AFAP1: variants seen among roughly 807,000 people sequenced by gnomAD.
AFAP1 encodes the protein actin filament associated protein 1.
Under a neutral mutation model 93.9 loss-of-function variants are expected in AFAP1, and 75 were observed. The observed-to-expected ratio is 0.80, with a 90% CI of 0.66 to 0.97. The LOEUF (loss-of-function observed/expected upper bound fraction) is 0.97, where lower values mean the gene tolerates loss of function less well. Among genes scored for constraint, AFAP1 ranks in the 50% least tolerant of loss-of-function variants. The pLI, the probability that AFAP1 is intolerant of heterozygous loss-of-function variation, is 0.00. For missense variants in AFAP1, 1,201 were observed against 1,050.8 expected (o/e 1.14, Z -1.98); for synonymous variants, 517 against 430.7 (o/e 1.20, Z -2.48).
intron 6 of AFAP1, among the ~76,000 whole-genome samples, chr4:7,822,017 C>T (rs925360994): frequency 4.6e-5 from 7 of 152,200 alleles, no homozygotes; most frequent in African/African-American, 1.7e-4. Flanking sequence ...TGTGTCTGAT[C>T]TCTCTTGTTT....
At chr4:7,885,381 C>T (rs1223419585) in intron 1 of AFAP1, among the ~76,000 whole-genome samples, 2 of 152,176 alleles carry the variant, frequency 1.3e-5, no homozygotes, top group Admixed American at 6.5e-5. Context: ...CCCACACACA[C>T]ATCACTACCA....
chr4:7,872,285 G>A (rs1298365399), intron 1 of AFAP1: 2 of 527,678 alleles, frequency 3.8e-6, no homozygotes, highest in African/African-American at 1.9e-5. Flanking sequence ...CTTTGCTTCT[G>A]CTTTAAGGCA....
rs1375836552 is a variant in AFAP1, at chr4:7,843,418, A to G, written c.335-68T>C. The G allele has an allele frequency of 2.9e-6, 4 of 1,387,958 alleles. No homozygotes were observed. In the South Asian group the frequency reaches 4.2e-5, roughly 15 times the overall value. 86.0% of individuals were successfully genotyped at this position (1,387,958 alleles called of 1,614,324 possible). On this transcript the variant is annotated intron_variant, in intron 4 of 17. Coordinates refer to ENST00000420658, the MANE Select transcript of AFAP1 (RefSeq NM_001134647.2). ...CTTGAAGTTTACCCGTGGGCTCAAG[A>G]GCACGTCCTCTTATTTTTAATCACC...
intron 1 of AFAP1, among the ~76,000 whole-genome samples, chr4:7,903,810 G>A (rs1487035169): frequency 6.6e-6 from 1 of 152,162 alleles, no homozygotes; most frequent in Non-Finnish European, 1.5e-5. Context: ...CCTCACAAAT[G>A]GAAAAAAAGG....
chr4:7,822,586 C>CTTTTTTTTTTTTT (rs5855982), intron 6 of AFAP1, among the ~76,000 whole-genome samples: 1 of 132,572 alleles, frequency 7.5e-6, no homozygotes, highest in South Asian at 2.4e-4. Context: ...TTTCTTTTTT[C>CTTTTTTTTTTTTT]TTTTTTTTTT....
At chr4:7,854,853 C>T (rs1211422781) in intron 4 of AFAP1, among the ~76,000 whole-genome samples, 4 of 152,134 alleles carry the variant, frequency 2.6e-5, no homozygotes, top group Non-Finnish European at 4.4e-5. Flanking sequence ...AAATGAATTC[C>T]GGAGACTCAA....
At chr4:7,871,338 A>C (rs1284559594) in intron 2 of AFAP1, among the ~76,000 whole-genome samples, 2 of 152,154 alleles carry the variant, frequency 1.3e-5, no homozygotes, top group African/African-American at 2.4e-5. Flanking sequence ...CTGTTTGTGT[A>C]AACAACACAG....
chr4:7,847,576 A>T (rs1050388590), intron 4 of AFAP1, among the ~76,000 whole-genome samples: 1 of 152,342 alleles, frequency 6.6e-6, no homozygotes, highest in Non-Finnish European at 1.5e-5. Flanking sequence ...TGGTAGCTCC[A>T]CCAGCCAGAG....
intron 5 of AFAP1, among the ~76,000 whole-genome samples, chr4:7,839,496 A>G (rs1323216043): frequency 6.6e-6 from 1 of 152,148 alleles, no homozygotes; most frequent in Non-Finnish European, 1.5e-5. Flanking sequence ...CCCTAATGAG[A>G]GAAAATGGAA....
At chr4:7,823,533 G>C (rs1721159567) in intron 6 of AFAP1, among the ~76,000 whole-genome samples, 2 of 152,124 alleles carry the variant, frequency 1.3e-5, no homozygotes, top group Non-Finnish European at 2.9e-5. Context: ...CCCTGGCTAA[G>C]CTCCTGGCAG....
intron 1 of AFAP1, among the ~76,000 whole-genome samples, chr4:7,895,198 TCCAGCACTTG>T (rs920070259): frequency 4.6e-5 from 7 of 152,198 alleles, no homozygotes; most frequent in Admixed American, 4.6e-4. Context: ...GGAACTCTGC[TCCAGCACTTG>T]CCAGGCATGG....
intron 1 of AFAP1, among the ~76,000 whole-genome samples, chr4:7,931,551 T>G (rs1168364866): frequency 6.6e-6 from 1 of 151,490 alleles, no homozygotes; most frequent in Admixed American, 6.6e-5. Context: ...CCAGCATTTT[T>G]TTTTTTTTTT....
chr4:7,786,390 A>C (rs1717267898), intron 11 of AFAP1, 79 bp from the exon 12 acceptor site: 2 of 1,194,168 alleles, frequency 1.7e-6, no homozygotes, highest in African/African-American at 3.0e-5. Flanking sequence ...ATGAGTTCTG[A>C]CTTTATGCCC....
intron 12 of AFAP1, among the ~76,000 whole-genome samples, chr4:7,783,514 C>T (rs866134146): frequency 6.6e-6 from 1 of 152,144 alleles, no homozygotes; most frequent in Non-Finnish European, 1.5e-5. Flanking sequence ...GCCGAACACA[C>T]AGAAAATAGT....
chr4:7,901,219 C>G (rs1719096504), intron 1 of AFAP1, among the ~76,000 whole-genome samples: 1 of 152,180 alleles, frequency 6.6e-6, no homozygotes, highest in Non-Finnish European at 1.5e-5. Flanking sequence ...CCTGTGCGTG[C>G]CTAGCAGGGA....
At chr4:7,772,679 C>A (rs1408037214) in intron 16 of AFAP1, 141 bp downstream of exon 16, 13 of 726,952 alleles carry the variant, frequency 1.8e-5, no homozygotes, top group Middle Eastern at 3.9e-4. Context: ...GATGCTAACA[C>A]ATGAACTGTC....
intron 5 of AFAP1, among the ~76,000 whole-genome samples, chr4:7,842,301 C>CAAA (rs57050150): frequency 1.2e-3 from 113 of 94,858 alleles, no homozygotes; most frequent in African/African-American, 4.4e-3. Context: ...CCTGGATTTA[C>CAAA]AAAAAAAAAA....
chr4:7,892,053 T>G (rs939498540), intron 1 of AFAP1, among the ~76,000 whole-genome samples: 47 of 151,108 alleles, frequency 3.1e-4, no homozygotes, highest in African/African-American at 1.1e-3. Flanking sequence ...AAATTCCGAC[T>G]CAAAAAAAGA....
intron 6 of AFAP1, among the ~76,000 whole-genome samples, chr4:7,826,700 AGTAGGGGAGT>A (rs1357773944): frequency 1.3e-5 from 2 of 152,232 alleles, no homozygotes; most frequent in African/African-American, 4.8e-5. Flanking sequence ...TTTGGAAGGC[AGTAGGGGAGT>A]GAGAGTGAGG....
Sources: gnomAD v4.1 joint callset for allele counts (sites outside exome capture counted in the v4.1 genomes callset) on GRCh38, gnomAD v4.1.1 for gene constraint, MANE v1.5 for transcripts, NCBI Gene and HGNC (gene_info 2026-07-23, HGNC 2026-07-21) for gene names.